The following AFAP1 variants were observed in gnomAD, a reference collection of about 807,000 sequenced individuals.
AFAP1 encodes actin filament-associated protein 1.
AFAP1 carries 75 observed loss-of-function variants against 93.9 expected under a neutral mutation model. The observed-to-expected ratio is 0.80, with a 90% CI of 0.66 to 0.97. The LOEUF is 0.97. AFAP1 is among the 50% of genes least tolerant of loss of function. The pLI is 0.00. For missense variants in AFAP1, 1,201 were observed against 1,050.8 expected, an observed-to-expected ratio of 1.14 and a Z score of -1.98; for synonymous variants, 517 against 430.7, an observed-to-expected ratio of 1.20 and a Z score of -2.48.
chr4:7,769,285 C>A (rs997964743), intron 16 of AFAP1, among the ~76,000 whole-genome samples: 2 of 152,152 alleles, frequency 1.3e-5, no homozygotes, highest in African/African-American at 4.8e-5. Flanking sequence ...GGGATTCCTG[C>A]CCTAGTCTTT....
At chr4:7,912,006 G>A (rs1044895823) in intron 1 of AFAP1, among the ~76,000 whole-genome samples, 5 of 152,274 alleles carry the variant, frequency 3.3e-5, no homozygotes, top group Admixed American at 2.0e-4. Flanking sequence ...AGCATGAGGC[G>A]CAACCAGAAA....
chr4:7,772,683 A>T (rs546755105), intron 16 of AFAP1, 137 bp downstream of exon 16: 4 of 744,994 alleles, frequency 5.4e-6, no homozygotes, highest in African/African-American at 1.8e-5. Flanking sequence ...CTAACACATG[A>T]ACTGTCTTCT....
chr4:7,926,407 C>T (rs998852685), intron 1 of AFAP1, among the ~76,000 whole-genome samples: 4 of 152,264 alleles, frequency 2.6e-5, no homozygotes, highest in African/African-American at 9.6e-5. Context: ...CTGCCCCACC[C>T]CATCCTACAA....
chr4:7,909,010 GA>G (rs796706355), intron 1 of AFAP1, among the ~76,000 whole-genome samples: 73 of 152,238 alleles, frequency 4.8e-4, no homozygotes, highest in African/African-American at 1.7e-3. Context: ...AGGTATTCAA[GA>G]GGCCAATATT....
At chr4:7,867,075 A>AGGGAGGGGAG (rs1168858873) in intron 3 of AFAP1, among the ~76,000 whole-genome samples, 14,971 of 75,586 alleles carry the variant, frequency 0.2, 2,137 homozygotes, top group Admixed American at 0.27. Flanking sequence ...GGGGAGGAGA[A>AGGGAGGGGAG]GGGAGGGGAG....
chr4:7,841,143 T>A (rs1030511308), intron 5 of AFAP1, among the ~76,000 whole-genome samples: 1 of 152,190 alleles, frequency 6.6e-6, no homozygotes, highest in Non-Finnish European at 1.5e-5. Flanking sequence ...AGGAGGTTTA[T>A]GAATGGGCGT....
intron 1 of AFAP1, among the ~76,000 whole-genome samples, chr4:7,900,004 G>A (rs186861004): frequency 6.6e-6 from 1 of 152,082 alleles, no homozygotes; most frequent in South Asian, 2.1e-4. Flanking sequence ...GCATTCAAAG[G>A]CATGTGCTTC....
intron 1 of AFAP1, among the ~76,000 whole-genome samples, chr4:7,897,522 G>A: frequency 7.3e-6 from 1 of 136,706 alleles, no homozygotes; most frequent in East Asian, 1.9e-4. Flanking sequence ...TTTTTTGTTT[G>A]TTTGTTTTTG....
intron 10 of AFAP1, among the ~76,000 whole-genome samples, chr4:7,796,276 G>C (rs2149017466): frequency 6.6e-6 from 1 of 152,290 alleles, no homozygotes; most frequent in East Asian, 1.9e-4. Flanking sequence ...TGAGCCTGGG[G>C]CATCTCCTTG....
chr4:7,840,961 C>T (rs1442340598), intron 5 of AFAP1, among the ~76,000 whole-genome samples: 1 of 152,160 alleles, frequency 6.6e-6, no homozygotes, highest in Non-Finnish European at 1.5e-5. Context: ...AATTAGCAAA[C>T]CCCACATCTC....
chr4:7,887,944 A>C lies in AFAP1; in HGVS notation c.-2-15864T>G, dbSNP rs1048088187. 6.6e-5 allele frequency among the ~76,000 whole-genome samples: 10 copies of C among 152,210 alleles called. No homozygotes were observed. In the East Asian group the frequency reaches 1.9e-3, roughly 29 times the overall value. On this transcript the variant is annotated intron_variant, in intron 1 of 17. Transcript: ENST00000420658. ...CAGGTTCAAGCGATACTCCTGCCTC[A>C]GCCTCCCAAGTAGCTGGGATTACAG...
At chr4:7,818,190 G>A (rs1355095734) in intron 7 of AFAP1, among the ~76,000 whole-genome samples, 1 of 152,200 alleles carries the variant, frequency 6.6e-6, no homozygotes, top group African/African-American at 2.4e-5. Context: ...CCCTGAGCCA[G>A]TGAAATCTCC....
At chr4:7,804,627 CAGCTGCAGAAG>C (rs1400629687) in intron 9 of AFAP1, among the ~76,000 whole-genome samples, 1 of 152,146 alleles carries the variant, frequency 6.6e-6, no homozygotes, top group African/African-American at 2.4e-5. Context: ...CGAATTCCGG[CAGCTGCAGAAG>C]AGCAGGCAGG....
intron 17 of AFAP1, 113 bp from the exon 18 acceptor site, chr4:7,763,904 A>T: frequency 1.0e-6 from 1 of 993,518 alleles, no homozygotes. Context: ...TACTGCAGAA[A>T]ACTCAACAGA....
intron 3 of AFAP1, among the ~76,000 whole-genome samples, chr4:7,864,548 A>G (rs555582450): frequency 6.5e-4 from 99 of 152,306 alleles, no homozygotes; most frequent in African/African-American, 2.2e-3. Flanking sequence ...TCCTTGACTC[A>G]TGGAGTTGAC....
intron 17 of AFAP1, among the ~76,000 whole-genome samples, chr4:7,767,740 A>C (rs746144202): frequency 1.3e-5 from 2 of 152,144 alleles, no homozygotes; most frequent in Non-Finnish European, 2.9e-5. Context: ...CCCATCTCGC[A>C]GGAAACACCT....
intron 3 of AFAP1, among the ~76,000 whole-genome samples, chr4:7,859,742 A>G (rs1434882939): frequency 6.6e-6 from 1 of 152,202 alleles, no homozygotes; most frequent in African/African-American, 2.4e-5. Flanking sequence ...CACCACAGTA[A>G]TATAACCTAG....
chr4:7,881,819 G>A (rs1297356257), intron 1 of AFAP1, among the ~76,000 whole-genome samples: 1 of 151,654 alleles, frequency 6.6e-6, no homozygotes, highest in East Asian at 1.9e-4. Context: ...CCTGGACTCT[G>A]TCACCACATA....
chr4:7,778,666 C>T, intron 14 of AFAP1, 96 bp downstream of exon 14: 1 of 1,198,972 alleles, frequency 8.3e-7, no homozygotes, highest in Non-Finnish European at 1.2e-6. Context: ...TCCAGCTGAC[C>T]CCAAGCTGGC....
Sources: gnomAD v4.1 joint callset for allele counts (sites outside exome capture counted in the v4.1 genomes callset) on GRCh38, gnomAD v4.1.1 for gene constraint, MANE v1.5 for transcripts, NCBI Gene and HGNC (gene_info 2026-07-23, HGNC 2026-07-21) for gene names.